The following KYNU variants were observed in gnomAD, a reference collection of about 807,000 sequenced individuals.
KYNU encodes kynureninase, also known as L-kynurenine hydrolase.
A neutral mutation model predicts 59.2 loss-of-function variants in KYNU; 54 were observed. The ratio of observed to expected loss-of-function variants is 0.91; its 90% CI spans 0.73 to 1.14. The LOEUF is 1.14. Among genes scored for constraint, KYNU ranks in the 50% most tolerant of loss-of-function variants. KYNU has a pLI of 0.00. For synonymous variants in KYNU, 177 were observed against 192.0 expected (o/e 0.92, Z 0.65); for missense variants, 567 against 554.4 (o/e 1.02, Z -0.23).
intron 10 of KYNU, among the ~76,000 whole-genome samples, chr2:143,006,523 GC>G (rs57421198): frequency 0.98 from 78,793 of 80,428 alleles, 38,780 homozygotes; most frequent in East Asian, 1. Context: ...AAACAAAGCA[GC>G]CAGGAAGCTC....
At chr2:142,945,656 G>GT (rs1409526462) in intron 4 of KYNU, among the ~76,000 whole-genome samples, 2 of 151,972 alleles carry the variant, frequency 1.3e-5, no homozygotes, top group East Asian at 3.9e-4. Flanking sequence ...TTTCCAGAAG[G>GT]TTTTCAACTG....
Position 142,912,214 on chromosome 2 carries a change from T to G in KYNU, c.170-6395T>G, listed in dbSNP as rs563949846. On this transcript the variant is annotated intron_variant, in intron 2 of 13. Coordinates refer to ENST00000264170, the MANE Select transcript of KYNU (RefSeq NM_003937.3). Reference sequence around the variant, plus strand: ...TTGGTTGGTAAGATTTTATGACTGATTCAAGTTGAAACTCTATTGGAATGT... The same window carrying G: ...TTGGTTGGTAAGATTTTATGACTGAGTCAAGTTGAAACTCTATTGGAATGT... 3.9e-5 allele frequency among the ~76,000 whole-genome samples: 6 copies of G among 152,196 alleles called. No individual in the cohort carries two copies. In the East Asian group the frequency reaches 1.2e-3, roughly 29 times the overall value.
At chr2:142,992,005 A>G (rs1178361663) in intron 10 of KYNU, among the ~76,000 whole-genome samples, 1 of 151,980 alleles carries the variant, frequency 6.6e-6, no homozygotes, top group Non-Finnish European at 1.5e-5. Flanking sequence ...ATCTATCTCT[A>G]TGAATTACTC....
chr2:143,025,654 G>T (rs1396093622), intron 10 of KYNU, among the ~76,000 whole-genome samples: 1 of 151,892 alleles, frequency 6.6e-6, no homozygotes, highest in Non-Finnish European at 1.5e-5. Context: ...TGGAACTTCA[G>T]TAGATATTCC....
At chr2:143,034,292 A>C (rs1290896004) in intron 12 of KYNU, among the ~76,000 whole-genome samples, 2 of 152,124 alleles carry the variant, frequency 1.3e-5, no homozygotes, top group African/African-American at 4.8e-5. Flanking sequence ...AAGGATTTGA[A>C]ATTTTTTCAT....
At position 143,047,277 on chromosome 2, in the gene KYNU, T is replaced by C. The variant is rs1645240977; in HGVS notation, c.*5105T>C. ...AAAAGTTGTAGAAACAGTGTTTTGC[T>C]ACATTTCCCAGGCTGGTCTCAAACT... On this transcript the variant is annotated 3_prime_UTR_variant, in exon 14 of 14. Coordinates refer to ENST00000264170, the MANE Select transcript of KYNU (RefSeq NM_003937.3). 6.6e-6 allele frequency: 1 copy of C among 152,108 alleles called. No homozygotes were observed. The highest frequency in any genetic ancestry group is 6.6e-5 in the Admixed American group (1 of 15,258). The allele number at this position is 152,108 out of a possible 1,614,324, so 9.4% of individuals were successfully genotyped here.
At chr2:142,884,817 C>G (rs1186271935) in intron 1 of KYNU, among the ~76,000 whole-genome samples, 12 of 149,416 alleles carry the variant, frequency 8.0e-5, no homozygotes, top group Non-Finnish European at 1.5e-4. Context: ...AGCGATTCTC[C>G]TGCCTCAGCC....
At chr2:142,965,854 G>T in intron 8 of KYNU, among the ~76,000 whole-genome samples, 1 of 152,106 alleles carries the variant, frequency 6.6e-6, no homozygotes, top group South Asian at 2.1e-4. Flanking sequence ...TACCCTCATA[G>T]GATCTCATTG....
At chr2:143,017,519 G>A (rs980352036) in intron 10 of KYNU, among the ~76,000 whole-genome samples, 1 of 126,366 alleles carries the variant, frequency 7.9e-6, no homozygotes, top group African/African-American at 3.1e-5. Context: ...TCAGCTCACT[G>A]CAATCTCCGC....
At chr2:142,930,898 G>T (rs767492352) in intron 4 of KYNU, among the ~76,000 whole-genome samples, 1 of 152,190 alleles carries the variant, frequency 6.6e-6, no homozygotes, top group Non-Finnish European at 1.5e-5. Flanking sequence ...AGGTGGTGTG[G>T]AGCAACATGC....
chr2:142,952,733 G>A (rs1040772063), intron 4 of KYNU, among the ~76,000 whole-genome samples: 2 of 152,038 alleles, frequency 1.3e-5, no homozygotes, highest in Non-Finnish European at 2.9e-5. Flanking sequence ...TAATATTTAA[G>A]CAAAAATGGA....
chr2:142,929,241 G>T (rs1005530821), intron 4 of KYNU, among the ~76,000 whole-genome samples: 2 of 150,292 alleles, frequency 1.3e-5, no homozygotes, highest in Non-Finnish European at 3.0e-5. Context: ...AATTCTGAAT[G>T]GAATAGAAAA....
At chr2:142,917,337 A>C (rs1164474970) in intron 2 of KYNU, among the ~76,000 whole-genome samples, 4 of 152,190 alleles carry the variant, frequency 2.6e-5, no homozygotes, top group Admixed American at 1.3e-4. Flanking sequence ...CCATATTCTC[A>C]AGGGTTGTGT....
At chr2:142,967,939 A>G (rs1295425553) in intron 8 of KYNU, among the ~76,000 whole-genome samples, 2 of 152,200 alleles carry the variant, frequency 1.3e-5, no homozygotes, top group Non-Finnish European at 2.9e-5. Context: ...GTACAAATAT[A>G]AATTAGCATA....
At chr2:142,931,624 G>A (rs1310108597) in intron 4 of KYNU, among the ~76,000 whole-genome samples, 1 of 152,164 alleles carries the variant, frequency 6.6e-6, no homozygotes, top group Non-Finnish European at 1.5e-5. Context: ...ATTTTAAAGG[G>A]ACTATAAAAA....
intron 2 of KYNU, among the ~76,000 whole-genome samples, chr2:142,911,279 C>G (rs1488645208): frequency 6.6e-6 from 1 of 152,098 alleles, no homozygotes; most frequent in African/African-American, 2.4e-5. Flanking sequence ...GCTTTCACCT[C>G]CTTGGTTAGA....
chr2:142,882,124 A>G (rs536311978), intron 1 of KYNU, among the ~76,000 whole-genome samples: 59 of 151,482 alleles, frequency 3.9e-4, no homozygotes, highest in Admixed American at 2.2e-3. Context: ...CATATTTCAC[A>G]TATTTGCCCA....
chr2:142,996,503 C>T (rs1685550029), intron 10 of KYNU, among the ~76,000 whole-genome samples: 1 of 152,022 alleles, frequency 6.6e-6, no homozygotes, highest in Non-Finnish European at 1.5e-5. Context: ...CATGAATGAG[C>T]CCCCATTGTC....
chr2:142,930,514 T>C (rs1683174739), intron 4 of KYNU, among the ~76,000 whole-genome samples: 1 of 152,266 alleles, frequency 6.6e-6, no homozygotes, highest in Admixed American at 6.5e-5. Flanking sequence ...TAGAAATTCA[T>C]GATCAAGGTG....
Sources: gnomAD v4.1 joint callset for allele counts (sites outside exome capture counted in the v4.1 genomes callset) on GRCh38, gnomAD v4.1.1 for gene constraint, MANE v1.5 for transcripts, NCBI Gene and HGNC (gene_info 2026-07-23, HGNC 2026-07-21) for gene names.